Variants in BBX observed in about 807,000 individuals in gnomAD.
The protein encoded by BBX is BBX high mobility group box domain containing, also known as HMG box transcription factor BBX.
BBX carries 30 observed loss-of-function variants against 100.2 expected under a neutral mutation model. The ratio of observed to expected loss-of-function variants is 0.30; its 90% CI spans 0.22 to 0.41. BBX has a LOEUF of 0.41. Among genes scored for constraint, BBX ranks in the 10% least tolerant of loss-of-function variants. The pLI is 1.00. For missense variants in BBX, 1,023 were observed against 1,129.8 expected, an observed-to-expected ratio of 0.91 and a Z score of 1.35; for synonymous variants, 376 against 388.1, an observed-to-expected ratio of 0.97 and a Z score of 0.37.
chr3:107,595,336 G>A (rs1021469234), intron 2 of BBX, among the ~76,000 whole-genome samples: 1 of 152,128 alleles, frequency 6.6e-6, no homozygotes, highest in Admixed American at 6.6e-5. Context: ...CTTACCATAT[G>A]TGCATTTTGA....
intron 2 of BBX, among the ~76,000 whole-genome samples, chr3:107,588,166 T>C (rs2053008145): frequency 6.6e-6 from 1 of 152,180 alleles, no homozygotes; most frequent in Non-Finnish European, 1.5e-5. Flanking sequence ...AAAAGAGTAA[T>C]TATTAAATGA....
chr3:107,745,061 T>C (rs1443455255), intron 8 of BBX, among the ~76,000 whole-genome samples: 1 of 152,222 alleles, frequency 6.6e-6, no homozygotes, highest in Non-Finnish European at 1.5e-5. Flanking sequence ...AATCAGCTCA[T>C]GGTTATTGGC....
At chr3:107,558,509 G>A (rs1253721783) in intron 2 of BBX, among the ~76,000 whole-genome samples, 1 of 151,988 alleles carries the variant, frequency 6.6e-6, no homozygotes, top group Non-Finnish European at 1.5e-5. Context: ...AAAACAGGGG[G>A]CTATCTTCAT....
At chr3:107,526,574 C>A (rs2047792182) in intron 2 of BBX, 176 bp downstream of exon 2, 1 of 389,382 alleles carries the variant, frequency 2.6e-6, no homozygotes, top group Admixed American at 4.5e-5. Flanking sequence ...TAGAATTCAG[C>A]TGTGGGTTAT....
At chr3:107,580,812 G>C (rs1040413617) in intron 2 of BBX, among the ~76,000 whole-genome samples, 1 of 152,130 alleles carries the variant, frequency 6.6e-6, no homozygotes, top group Non-Finnish European at 1.5e-5. Context: ...TGTATTTTTA[G>C]TAGAGATGAG....
chr3:107,604,865 A>G (rs1022435199), intron 2 of BBX, among the ~76,000 whole-genome samples: 6 of 152,118 alleles, frequency 3.9e-5, no homozygotes, highest in African/African-American at 1.2e-4. Context: ...CCAGAAATTT[A>G]TTACATGTAT....
chr3:107,759,630 A>C (rs1009494839), intron 10 of BBX, among the ~76,000 whole-genome samples: 1 of 152,182 alleles, frequency 6.6e-6, no homozygotes, highest in African/African-American at 2.4e-5. Flanking sequence ...CAAGTAGAGC[A>C]ACTTGTTCAT....
Position 107,732,904 on chromosome 3 carries a change from A to G in BBX, c.602-52A>G, listed in dbSNP as rs1053041693. On this transcript the variant is annotated intron_variant, in intron 6 of 17. Transcript: ENST00000325805. ...ATGAGTATTCTTTTTGACTCTGTGGATTGTATGTACTTTATGCTTATAAGT... is the reference window on the plus strand; with the variant it reads ...ATGAGTATTCTTTTTGACTCTGTGGGTTGTATGTACTTTATGCTTATAAGT... The G allele has an allele frequency of 4.2e-6, 6 of 1,421,938 alleles. No individual in the cohort carries two copies. The African/African-American group carries it at 4.2e-5, about 10-fold the overall frequency. 88.1% of individuals were successfully genotyped at this position (1,421,938 alleles called of 1,614,324 possible).
intron 13 of BBX, among the ~76,000 whole-genome samples, chr3:107,784,011 T>TA (rs1265743317): frequency 4.6e-5 from 7 of 152,138 alleles, no homozygotes; most frequent in Admixed American, 2.0e-4. Flanking sequence ...CTTGAGCTCT[T>TA]ACTTTGTGAT....
At chr3:107,604,090 TC>T (rs1346742741) in intron 2 of BBX, among the ~76,000 whole-genome samples, 1 of 152,098 alleles carries the variant, frequency 6.6e-6, no homozygotes, top group Non-Finnish European at 1.5e-5. Flanking sequence ...TTTTAATTCC[TC>T]CCATTGCCCG....
chr3:107,531,054 G>A (rs1015253012), intron 2 of BBX, among the ~76,000 whole-genome samples: 3 of 152,300 alleles, frequency 2.0e-5, no homozygotes, highest in East Asian at 1.9e-4. Context: ...CATGTAGCAG[G>A]TGATTCTAAA....
chr3:107,651,851 T>TTTG (rs1411700942), intron 3 of BBX, among the ~76,000 whole-genome samples: 5 of 152,078 alleles, frequency 3.3e-5, no homozygotes, highest in South Asian at 4.2e-4. Flanking sequence ...CCTGCCTTAT[T>TTTG]TTGTTGTTGT....
intron 2 of BBX, among the ~76,000 whole-genome samples, chr3:107,614,084 T>G (rs936664009): frequency 6.6e-6 from 1 of 151,460 alleles, no homozygotes; most frequent in Non-Finnish European, 1.5e-5. Context: ...CCTGACTAGC[T>G]GGGACTACAG....
At chr3:107,558,210 C>T (rs190118425) in intron 2 of BBX, among the ~76,000 whole-genome samples, 74 of 152,098 alleles carry the variant, frequency 4.9e-4, no homozygotes, top group Non-Finnish European at 7.2e-4. Flanking sequence ...CTATCTTGGC[C>T]GGGCGCAGTG....
chr3:107,619,811 A>G (rs977077316), intron 2 of BBX, among the ~76,000 whole-genome samples: 3 of 152,070 alleles, frequency 2.0e-5, no homozygotes, highest in African/African-American at 4.8e-5. Context: ...TGTCATTTGA[A>G]TGTTATTCCC....
At chr3:107,692,514 G>A (rs1244944992) in intron 3 of BBX, among the ~76,000 whole-genome samples, 2 of 152,190 alleles carry the variant, frequency 1.3e-5, no homozygotes, top group Non-Finnish European at 2.9e-5. Flanking sequence ...TCCCTACAAA[G>A]GACATGAACT....
Position 107,678,099 on chromosome 3 carries a change from C to T in BBX, c.-10+32190C>T, listed in dbSNP as rs546642998. On this transcript the variant is annotated intron_variant, in intron 3 of 17. Coordinates refer to ENST00000325805, the MANE Select transcript of BBX (RefSeq NM_001142568.3). ...TATGTATTTTTTTAAAGGAATCAGG[C>T]TCTTATATTCTATGCAACCTTTTTT... 5.8e-4 allele frequency among the ~76,000 whole-genome samples: 88 copies of T among 152,108 alleles called. 3 individuals carry two copies. The South Asian group carries it at 0.018, about 32-fold the overall frequency.
intron 3 of BBX, among the ~76,000 whole-genome samples, chr3:107,652,735 T>C (rs1282775194): frequency 6.6e-6 from 1 of 152,170 alleles, no homozygotes; most frequent in Non-Finnish European, 1.5e-5. Flanking sequence ...TGTGTTTTCC[T>C]AGGAAAATAA....
At chr3:107,743,822 T>TA (rs1200679427) in intron 7 of BBX, among the ~76,000 whole-genome samples, 10 of 152,014 alleles carry the variant, frequency 6.6e-5, no homozygotes, top group East Asian at 1.9e-4. Flanking sequence ...CTATTTTTGT[T>TA]AAAAAATTAC....
Sources: gnomAD v4.1 joint callset for allele counts (sites outside exome capture counted in the v4.1 genomes callset) on GRCh38, gnomAD v4.1.1 for gene constraint, MANE v1.5 for transcripts, NCBI Gene and HGNC (gene_info 2026-07-23, HGNC 2026-07-21) for gene names.